DLG2: variants seen among roughly 807,000 people sequenced by gnomAD.
DLG2 encodes the protein disks large homolog 2.
A neutral mutation model predicts 132.5 loss-of-function variants in DLG2; 45 were observed. The ratio of observed to expected loss-of-function variants is 0.34; its 90% confidence interval spans 0.27 to 0.44. DLG2 has a LOEUF of 0.44. Ranked by LOEUF, DLG2 falls within the 20% of genes least tolerant of loss-of-function variation. DLG2 has a pLI of 1.00. For synonymous variants in DLG2, 424 were observed against 419.6 expected (o/e 1.01, Z -0.13); for missense variants, 1,045 against 1,196.9 (o/e 0.87, Z 1.87).
At chr11:85,168,655 A>G (rs984090025) in intron 4 of DLG2, among the ~76,000 whole-genome samples, 2 of 152,172 alleles carry the variant, frequency 1.3e-5, no homozygotes, top group African/African-American at 4.8e-5. Flanking sequence ...AGACTTATTT[A>G]TTATTTTACA....
At chr11:85,319,454 A>G (rs2080903853) in intron 3 of DLG2, among the ~76,000 whole-genome samples, 1 of 151,820 alleles carries the variant, frequency 6.6e-6, no homozygotes, top group African/African-American at 2.4e-5. Flanking sequence ...ATATTTATTC[A>G]CTAAATTCTA....
intron 6 of DLG2, among the ~76,000 whole-genome samples, chr11:84,883,416 T>G (rs1306653786): frequency 6.6e-6 from 1 of 151,938 alleles, no homozygotes. Flanking sequence ...CCATGGCACT[T>G]TATACCTGTA....
At position 85,427,404 on chromosome 11, in the gene DLG2, G is replaced by C. The variant is rs909238140; in HGVS notation, c.41-142039C>G. 8.4e-3 allele frequency among the ~76,000 whole-genome samples: 1,286 copies of C among 152,240 alleles called. 17 individuals are homozygous for C. Among genetic ancestry groups the C allele is most frequent in the African/African-American group, 0.029 (1,206 of 41,556 alleles). On this transcript the variant is annotated intron_variant, in intron 3 of 27. Coordinates refer to ENST00000376104, the MANE Select transcript of DLG2 (RefSeq NM_001142699.3). Reference sequence around the variant, plus strand: ...AGGTCAGGTTACCCACAAAGGGAAGGCCATCAGACTAACAGCTGATCTCTT... The same window carrying C: ...AGGTCAGGTTACCCACAAAGGGAAGCCCATCAGACTAACAGCTGATCTCTT...
chr11:84,307,489 G>A (rs1407363617), intron 7 of DLG2, among the ~76,000 whole-genome samples: 3 of 152,100 alleles, frequency 2.0e-5, no homozygotes, highest in Admixed American at 1.3e-4. Flanking sequence ...GAAGTCAGGA[G>A]ATCCAGACCA....
intron 4 of DLG2, among the ~76,000 whole-genome samples, chr11:85,252,916 G>T (rs528644531): frequency 3.9e-5 from 6 of 152,190 alleles, no homozygotes. Context: ...TTAAACCAGT[G>T]TTTCTAAAAG....
intron 19 of DLG2, among the ~76,000 whole-genome samples, chr11:83,589,818 A>G (rs1165405350): frequency 6.9e-6 from 1 of 145,602 alleles, no homozygotes; most frequent in Admixed American, 7.0e-5. Flanking sequence ...AATGGAAAAC[A>G]AAAAAAGGCA....
chr11:85,188,319 C>T (rs1483770413), intron 4 of DLG2, among the ~76,000 whole-genome samples: 1 of 152,132 alleles, frequency 6.6e-6, no homozygotes, highest in Non-Finnish European at 1.5e-5. Flanking sequence ...ATATTAAAAT[C>T]CTGCAGGGAA....
chr11:84,431,260 T>C (rs1461365162), intron 7 of DLG2, among the ~76,000 whole-genome samples: 1 of 152,168 alleles, frequency 6.6e-6, no homozygotes, highest in Non-Finnish European at 1.5e-5. Flanking sequence ...AAGCAGAGTA[T>C]TATCTACCAG....
chr11:84,472,368 T>C (rs78392507), intron 7 of DLG2, among the ~76,000 whole-genome samples: 4,628 of 152,026 alleles, frequency 0.03, 170 homozygotes, highest in African/African-American at 0.09. Flanking sequence ...TTAAAAATCT[T>C]TGGTGAGATA....
chr11:85,169,628 G>C (rs1456941467), intron 4 of DLG2, among the ~76,000 whole-genome samples: 3 of 152,114 alleles, frequency 2.0e-5, no homozygotes, highest in African/African-American at 7.2e-5. Flanking sequence ...GAAACTGAAT[G>C]GGACCTTAAG....
chr11:85,052,473 A>G (rs189179704), intron 6 of DLG2, among the ~76,000 whole-genome samples: 1 of 152,220 alleles, frequency 6.6e-6, no homozygotes, highest in Non-Finnish European at 1.5e-5. Flanking sequence ...ATATACCTTG[A>G]AAACTGTGAG....
At chr11:84,889,704 TTA>T (rs1422088308) in intron 6 of DLG2, among the ~76,000 whole-genome samples, 1 of 152,188 alleles carries the variant, frequency 6.6e-6, no homozygotes, top group Non-Finnish European at 1.5e-5. Context: ...TATCAGAAAA[TTA>T]TAAACAGTTG....
At chr11:85,040,196 G>T (rs1214617378) in intron 6 of DLG2, among the ~76,000 whole-genome samples, 1 of 151,844 alleles carries the variant, frequency 6.6e-6, no homozygotes, top group Non-Finnish European at 1.5e-5. Context: ...AGGATGAAAA[G>T]AATTGCTGAA....
rs142841505 is a variant in DLG2, at chr11:85,317,303, C to T, written c.41-31938G>A. ...CCACTGAAAGGGTTCAATATTAATCCTTTATTCTAACTAAAGCTACCGAGA... is the reference window on the plus strand; with the variant it reads ...CCACTGAAAGGGTTCAATATTAATCTTTTATTCTAACTAAAGCTACCGAGA... On this transcript the variant is annotated intron_variant, in intron 3 of 27. Coordinates refer to ENST00000376104, the MANE Select transcript of DLG2 (RefSeq NM_001142699.3). Among the ~76,000 whole-genome samples, 37 of 151,748 alleles carry T rather than the reference C, an allele frequency of 2.4e-4. No individual in the cohort carries two copies. The East Asian group carries it at 7.0e-3, about 29-fold the overall frequency.
intron 18 of DLG2, among the ~76,000 whole-genome samples, chr11:83,651,060 T>C (rs1014480733): frequency 3.3e-5 from 5 of 152,226 alleles, no homozygotes; most frequent in African/African-American, 1.2e-4. Context: ...ATGACATATC[T>C]TTTATGTTTA....
chr11:84,623,286 C>T (rs12294169), intron 6 of DLG2, among the ~76,000 whole-genome samples: 15,059 of 152,096 alleles, frequency 0.099, 763 homozygotes, highest in South Asian at 0.13. Flanking sequence ...AAGAGGGAAA[C>T]GGCAGACCTT....
In DLG2 at chr11:85,557,861, G is replaced by A. The variant is rs530181164; in HGVS notation, c.40+40796C>T. ...CTCAAATTAGATAAAAATCCTAGAA[G>A]AAAACCAAGGAAACACCATTTTAGA... is the stretch of plus-strand genomic sequence containing the variant. On this transcript the variant is annotated intron_variant, in intron 3 of 27. Transcript: ENST00000376104. Among the ~76,000 whole-genome samples the A allele has an allele frequency of 5.3e-5, 8 of 151,904 alleles. No individual in the cohort carries two copies. The South Asian group carries it at 1.7e-3, about 32-fold the overall frequency.
chr11:85,169,961 C>T (rs368363265), intron 4 of DLG2, among the ~76,000 whole-genome samples: 59 of 152,258 alleles, frequency 3.9e-4, no homozygotes, highest in African/African-American at 1.2e-3. Context: ...AATAAAAACA[C>T]ATACATGTAT....
chr11:84,670,032 G>A (rs1430772801), intron 6 of DLG2, among the ~76,000 whole-genome samples: 2 of 152,140 alleles, frequency 1.3e-5, no homozygotes, highest in Non-Finnish European at 2.9e-5. Flanking sequence ...GGAGAATAAG[G>A]CGAATGGGCA....
Sources: gnomAD v4.1 joint callset for allele counts (sites outside exome capture counted in the v4.1 genomes callset) on GRCh38, gnomAD v4.1.1 for gene constraint, MANE v1.5 for transcripts, NCBI Gene and HGNC (gene_info 2026-07-23, HGNC 2026-07-21) for gene names.